The following ANK3 variants were observed in gnomAD, a reference collection of about 807,000 sequenced individuals.
ANK3 encodes the protein ankyrin-3.
ANK3 carries 57 observed loss-of-function variants against 370.9 expected under a neutral mutation model. That is an observed-to-expected ratio of 0.15 (90% confidence interval 0.12 to 0.19). The LOEUF is 0.19. ANK3 is among the 10% of genes least tolerant of loss of function. The pLI is 1.00. For synonymous variants in ANK3, 1,929 were observed against 1,946.3 expected, an observed-to-expected ratio of 0.99 and a Z score of 0.23; for missense variants, 4,439 against 5,302.1, an observed-to-expected ratio of 0.84 and a Z score of 5.06.
intron 1 of ANK3, among the ~76,000 whole-genome samples, chr10:60,680,704 G>A (rs535726078): frequency 6.6e-6 from 1 of 152,268 alleles, no homozygotes; most frequent in South Asian, 2.1e-4. Flanking sequence ...CTCAAACTCA[G>A]CATGACCAAA....
chr10:60,526,270 A>T (rs374785663), intron 2 of ANK3, among the ~76,000 whole-genome samples: 2 of 152,154 alleles, frequency 1.3e-5, no homozygotes, highest in African/African-American at 4.8e-5. Flanking sequence ...CGTATTTGAT[A>T]GATTGTTCTC....
chr10:60,262,023 C>T (rs41283532), intron 6 of ANK3, 66 bp from the exon 7 acceptor site: 18,126 of 1,341,890 alleles, frequency 0.014, 186 homozygotes, highest in Middle Eastern at 0.016. Flanking sequence ...AGGCAAATAT[C>T]ATAACCCTGC....
chr10:60,523,637 A>G (rs2133186814), intron 2 of ANK3, among the ~76,000 whole-genome samples: 1 of 151,634 alleles, frequency 6.6e-6, no homozygotes, highest in South Asian at 2.1e-4. Context: ...AATCCAGTCT[A>G]TTGTTGTTGG....
intron 1 of ANK3, among the ~76,000 whole-genome samples, chr10:60,316,909 A>G (rs376260622): frequency 0.029 from 4,449 of 151,804 alleles, 138 homozygotes; most frequent in African/African-American, 0.081. Flanking sequence ...ACCACGCCCA[A>G]CTAATTTTTT....
chr10:60,184,896 G>T (rs1054348094), intron 17 of ANK3, among the ~76,000 whole-genome samples: 1 of 152,116 alleles, frequency 6.6e-6, no homozygotes, highest in African/African-American at 2.4e-5. Flanking sequence ...AATATTATGG[G>T]CTCACAAGAG....
chr10:60,034,075 G>A (rs1302429815), intron 43 of ANK3, among the ~76,000 whole-genome samples: 1 of 108,556 alleles, frequency 9.2e-6, no homozygotes, highest in Non-Finnish European at 2.0e-5. Context: ...CTGAAATTCT[G>A]TTTTTGTTTT....
intron 1 of ANK3, among the ~76,000 whole-genome samples, chr10:60,363,781 A>G (rs1411914665): frequency 6.6e-6 from 1 of 152,242 alleles, no homozygotes; most frequent in East Asian, 1.9e-4. Flanking sequence ...TGATGTACAT[A>G]TCAAAAATGA....
At chr10:60,611,289 G>C (rs908296016) in intron 2 of ANK3, among the ~76,000 whole-genome samples, 12 of 152,236 alleles carry the variant, frequency 7.9e-5, no homozygotes, top group African/African-American at 2.9e-4. Context: ...GGGCTCACTT[G>C]AATCAGCAGA....
intron 16 of ANK3, among the ~76,000 whole-genome samples, chr10:60,188,039 C>T (rs2096389169): frequency 6.6e-6 from 1 of 152,130 alleles, no homozygotes; most frequent in Admixed American, 6.5e-5. Context: ...ATTTATCTGT[C>T]CCCTCCTACT....
chr10:60,682,525 A>G (rs562857420), intron 1 of ANK3, among the ~76,000 whole-genome samples: 1 of 152,184 alleles, frequency 6.6e-6, no homozygotes, highest in Admixed American at 6.5e-5. Context: ...GGCCGCAGGC[A>G]CAGGCCTCTT....
Position 60,685,088 on chromosome 10 carries a change from C to T in ANK3, c.57+48175G>A. On this transcript the variant is annotated intron_variant, in intron 1 of 43. Transcript: ENST00000373827. Reference sequence around the variant, plus strand: ...ATTAAAGAAAAGATGAATATCAATACCTATTATATCTGTGTGGAGGAGGTT... The same window carrying T: ...ATTAAAGAAAAGATGAATATCAATATCTATTATATCTGTGTGGAGGAGGTT... 9 of 1,142,156 alleles carry T rather than the reference C, an allele frequency of 7.9e-6. No homozygotes were observed. In the South Asian group the frequency reaches 1.0e-4, roughly 13 times the overall value. The allele number at this position is 1,142,156 out of a possible 1,614,324, so 70.8% of individuals were successfully genotyped here. A position where few individuals can be genotyped will look rare whatever the true frequency, so the allele number is the denominator to read the frequency against.
intron 2 of ANK3, among the ~76,000 whole-genome samples, chr10:60,417,768 G>A (rs879306380): frequency 6.6e-6 from 1 of 152,116 alleles, no homozygotes; most frequent in Non-Finnish European, 1.5e-5. Flanking sequence ...GAGAATTCTG[G>A]GGAAGGAACA....
chr10:60,559,660 C>T (rs990669312), intron 2 of ANK3, among the ~76,000 whole-genome samples: 20 of 152,138 alleles, frequency 1.3e-4, no homozygotes, highest in Admixed American at 1.3e-3. Context: ...CCATTCTCTG[C>T]TCTTTCCAGG....
intron 8 of ANK3, among the ~76,000 whole-genome samples, chr10:60,226,016 AT>A (rs1374507175): frequency 6.9e-6 from 1 of 144,862 alleles, no homozygotes; most frequent in African/African-American, 2.5e-5. Flanking sequence ...TAATAAGATA[AT>A]TGTATATCAT....
chr10:60,547,720 G>A (rs61855348), intron 2 of ANK3, among the ~76,000 whole-genome samples: 79 of 151,808 alleles, frequency 5.2e-4, no homozygotes, highest in African/African-American at 1.7e-3. Context: ...GAGAAGGGGC[G>A]GGAGGTGGGG....
At chr10:60,326,777 T>C (rs1332618526) in intron 1 of ANK3, among the ~76,000 whole-genome samples, 1 of 152,120 alleles carries the variant, frequency 6.6e-6, no homozygotes. Context: ...ATCCCAGCAC[T>C]TCAGGAGGCC....
At chr10:60,187,147 T>TATTTC (rs1199182849) in intron 16 of ANK3, among the ~76,000 whole-genome samples, 1 of 150,916 alleles carries the variant, frequency 6.6e-6, no homozygotes, top group African/African-American at 2.4e-5. Flanking sequence ...TATTTTATTT[T>TATTTC]ATTTTATTTT....
intron 25 of ANK3, among the ~76,000 whole-genome samples, chr10:60,125,187 A>G (rs2093694259): frequency 6.6e-6 from 1 of 152,200 alleles, no homozygotes; most frequent in Admixed American, 6.5e-5. Context: ...ATTTTCTTGA[A>G]GTCAACTATT....
intron 25 of ANK3, among the ~76,000 whole-genome samples, chr10:60,122,257 T>C (rs2093525229): frequency 6.6e-6 from 1 of 152,206 alleles, no homozygotes; most frequent in African/African-American, 2.4e-5. Context: ...TTGGGAAAGG[T>C]AGCCAGGAAG....
Sources: gnomAD v4.1 joint callset for allele counts (sites outside exome capture counted in the v4.1 genomes callset) on GRCh38, gnomAD v4.1.1 for gene constraint, MANE v1.5 for transcripts, NCBI Gene and HGNC (gene_info 2026-07-23, HGNC 2026-07-21) for gene names.